HP1BP3: variants seen among roughly 807,000 people sequenced by gnomAD.
HP1BP3 encodes the protein heterochromatin protein 1-binding protein 3.
Under a neutral mutation model 62.5 loss-of-function variants are expected in HP1BP3, and 12 were observed. The ratio of observed to expected loss-of-function variants is 0.19; its 90% CI spans 0.12 to 0.31. HP1BP3 has a LOEUF of 0.31. Among genes scored for constraint, HP1BP3 ranks in the 10% least tolerant of loss-of-function variants. HP1BP3 has a pLI of 1.00. For missense variants in HP1BP3, 502 were observed against 651.8 expected, an observed-to-expected ratio of 0.77 and a Z score of 2.50; for synonymous variants, 260 against 237.8, an observed-to-expected ratio of 1.09 and a Z score of -0.86.
chr1:20,776,213 C>T, intron 4 of HP1BP3: 1 of 462,672 alleles, frequency 2.2e-6, no homozygotes, highest in Non-Finnish European at 3.7e-6. Context: ...CAAAAACAAC[C>T]CACTCCTGGC....
chr1:20,752,733 A>G (rs189663218), intron 9 of HP1BP3, among the ~76,000 whole-genome samples: 20 of 152,332 alleles, frequency 1.3e-4, no homozygotes, highest in Non-Finnish European at 2.4e-4. Context: ...TAAAAAAAAG[A>G]GCACGAATTC....
Position 20,784,819 on chromosome 1 carries a change from A to G in HP1BP3, c.-101+2376T>C, listed in dbSNP as rs548897335. Among the ~76,000 whole-genome samples, 139 of 152,262 alleles carry G rather than the reference A, an allele frequency of 9.1e-4. 2 individuals are homozygous for G. Among genetic ancestry groups the G allele is most frequent in the South Asian group, 6.4e-3 (31 of 4,816 alleles). On this transcript the variant is annotated intron_variant, in intron 1 of 12. Transcript: ENST00000438032. ...TGGTTTTTATATGTGCCAAAAATAA[A>G]CAGTCTGAGTTTACTTGTGGTTTAC...
intron 8 of HP1BP3, among the ~76,000 whole-genome samples, chr1:20,759,122 C>T (rs775436763): frequency 1.3e-5 from 2 of 152,002 alleles, no homozygotes. Flanking sequence ...TTTAAGTGGC[C>T]GGGCGAGGTG....
chr1:20,745,574 A>G lies in HP1BP3; in HGVS notation c.1336T>C (p.Ser446Pro). The G allele has an allele frequency of 6.2e-7, 1 of 1,614,032 alleles. No individual in the cohort carries two copies. Among genetic ancestry groups the G allele is most frequent in the Non-Finnish European group, 8.5e-7 (1 of 1,179,926 alleles). The change falls in exon 12 of 13, where the codon TCT becomes CCT. Residue 446 changes from serine to proline, a missense_variant. By Grantham distance (74) the Ser-to-Pro change is moderately conservative. This residue lies in a region of HP1BP3 where 194 missense variants were observed against 207.0 expected (regional missense o/e 0.94). Coordinates refer to ENST00000438032, the MANE Select transcript of HP1BP3 (RefSeq NM_001372052.1). ...EDEDESSEEDSEDEEPPPKRR... is the reference protein window; with the variant it reads ...EDEDESSEEDPEDEEPPPKRR... The stretch of plus-strand genomic sequence containing the variant: ...TTAGGTGGCGGCTCTTCATCCTCAG[A>G]GTCTTCTTCTGATGACTCATCTTCA...
At chr1:20,776,379 T>G (rs1046730348) in intron 4 of HP1BP3, 3 of 467,286 alleles carry the variant, frequency 6.4e-6, no homozygotes, top group African/African-American at 4.0e-5. Flanking sequence ...TGACAAAGAC[T>G]TTTGGATTAT....
chr1:20,781,240 A>C (rs2057530787), intron 1 of HP1BP3, among the ~76,000 whole-genome samples: 1 of 152,198 alleles, frequency 6.6e-6, no homozygotes, highest in South Asian at 2.1e-4. Flanking sequence ...TCTGAGACTC[A>C]ATGACATTTT....
rs1178110456 is a variant in HP1BP3, at chr1:20,744,188, T to A, written c.*609A>T. On this transcript the variant is annotated 3_prime_UTR_variant, in exon 13 of 13. Coordinates refer to ENST00000438032, the MANE Select transcript of HP1BP3 (RefSeq NM_001372052.1). Reference sequence around the variant, plus strand: ...TACCTAGAAATTGATCAATATGAAATGTAGCCCAAAGGAGTCATATATCTT... The same window carrying A: ...TACCTAGAAATTGATCAATATGAAAAGTAGCCCAAAGGAGTCATATATCTT... 2 of 152,610 alleles carry A rather than the reference T, an allele frequency of 1.3e-5. No individual in the cohort carries two copies. Among genetic ancestry groups the A allele is most frequent in the African/African-American group, 4.8e-5 (2 of 41,440 alleles). The allele number at this position is 152,610 out of a possible 1,614,324, so 9.5% of individuals were successfully genotyped here.
At position 20,744,714 on chromosome 1, in the gene HP1BP3, A is replaced by C; in HGVS notation, c.*83T>G. The C allele has an allele frequency of 8.0e-7, 1 of 1,248,080 alleles. No individual in the cohort carries two copies. The highest frequency in any genetic ancestry group is 1.5e-5 in the South Asian group (1 of 68,414). 77.3% of individuals were successfully genotyped at this position (1,248,080 alleles called of 1,614,324 possible). ...GGGAGGAAAATAATGTAATTTGAAA[A>C]GCATCAAAACTAAACAAATGCACAC... On this transcript the variant is annotated 3_prime_UTR_variant, in exon 13 of 13. Transcript: ENST00000438032.
At chr1:20,757,377 T>TATTA in intron 8 of HP1BP3, 121 bp from the exon 9 acceptor site, 1 of 356,444 alleles carries the variant, frequency 2.8e-6, no homozygotes, top group South Asian at 7.8e-5. Flanking sequence ...TTATTATTTT[T>TATTA]TTTTTTTTTT....
chr1:20,762,084 T>G (rs1187586668), intron 8 of HP1BP3, among the ~76,000 whole-genome samples: 6 of 152,240 alleles, frequency 3.9e-5, no homozygotes, highest in Non-Finnish European at 8.8e-5. Flanking sequence ...GAAACTGTAT[T>G]TTTCTTCCTC....
intron 3 of HP1BP3, among the ~76,000 whole-genome samples, chr1:20,778,242 T>C (rs987675270): frequency 6.6e-6 from 1 of 152,258 alleles, no homozygotes. Flanking sequence ...ATATTGAATA[T>C]GTATTATGTA....
At chr1:20,747,678 GAA>G in intron 10 of HP1BP3, 23 bp from the exon 11 acceptor site, 2 of 1,434,968 alleles carry the variant, frequency 1.4e-6, no homozygotes, top group Non-Finnish European at 2.0e-6. Flanking sequence ...ATTCAGAAAT[GAA>G]AGTTATCTAG....
chr1:20,784,418 G>A (rs563748378), intron 1 of HP1BP3, among the ~76,000 whole-genome samples: 8 of 151,278 alleles, frequency 5.3e-5, no homozygotes, highest in African/African-American at 1.5e-4. Context: ...CAGAATAGAT[G>A]CTCAATTAAT....
intron 4 of HP1BP3, chr1:20,774,772 C>T (rs1281768925): frequency 6.6e-6 from 1 of 152,184 alleles, no homozygotes; most frequent in South Asian, 2.1e-4. Context: ...ATCACAAGGT[C>T]AAAAGATTGA....
intron 9 of HP1BP3, among the ~76,000 whole-genome samples, chr1:20,756,111 T>C (rs2154540024): frequency 6.6e-6 from 1 of 152,330 alleles, no homozygotes; most frequent in South Asian, 2.1e-4. Flanking sequence ...CACTGAGTTA[T>C]AAACTGTAAT....
chr1:20,767,453 C>T (rs992188183), intron 7 of HP1BP3, 131 bp downstream of exon 7: 6 of 730,330 alleles, frequency 8.2e-6, no homozygotes, highest in Middle Eastern at 4.8e-4. Context: ...TTATTTATAA[C>T]TTCCCTAGGC....
At chr1:20,747,710 C>T in intron 10 of HP1BP3, 55 bp from the exon 11 acceptor site, 1 of 1,055,250 alleles carries the variant, frequency 9.5e-7, no homozygotes, top group Non-Finnish European at 1.5e-6. Flanking sequence ...TTAGATAATT[C>T]CCTCAACCAC....
Position 20,742,365 on chromosome 1 carries a change from A to G in HP1BP3, c.*2432T>C, listed in dbSNP as rs1238089541. On this transcript the variant is annotated 3_prime_UTR_variant, in exon 13 of 13. Transcript: ENST00000438032. Reference sequence around the variant, plus strand: ...CTTTTGCAGTACTGTAATTTTTTCTAGTCCAAGGACTTATCTGAATATTGA... The same window carrying G: ...CTTTTGCAGTACTGTAATTTTTTCTGGTCCAAGGACTTATCTGAATATTGA... 6.6e-6 allele frequency among the ~76,000 whole-genome samples: 1 copy of G among 152,184 alleles called. No individual in the cohort carries two copies. Among genetic ancestry groups the G allele is most frequent in the Admixed American group, 6.5e-5 (1 of 15,278 alleles).
intron 7 of HP1BP3, among the ~76,000 whole-genome samples, chr1:20,766,520 T>C (rs1225711635): frequency 6.6e-6 from 1 of 152,256 alleles, no homozygotes; most frequent in Non-Finnish European, 1.5e-5. Context: ...CATTTCACTT[T>C]ATTATTGTAG....
Sources: gnomAD v4.1 joint callset for allele counts (sites outside exome capture counted in the v4.1 genomes callset) on GRCh38, gnomAD v4.1.1 for gene constraint, gnomAD v4.1.1 regional missense constraint, MANE v1.5 for transcripts, NCBI Gene and HGNC (gene_info 2026-07-23, HGNC 2026-07-21) for gene names.